Variants in DNAH9 observed in about 807,000 individuals in gnomAD.
The protein encoded by DNAH9 is dynein axonemal heavy chain 9, also known as DNAH9 variant protein.
In DNAH9, 345 loss-of-function variants were observed where a neutral mutation model predicts 471.6. The observed-to-expected ratio is 0.73, with a 90% confidence interval of 0.67 to 0.80. The LOEUF is 0.80. Among genes scored for constraint, DNAH9 ranks in the 30% least tolerant of loss-of-function variants. The pLI, the probability that DNAH9 is intolerant of heterozygous loss-of-function variation, is 0.00. For synonymous variants in DNAH9, 2,093 were observed against 2,123.6 expected (o/e 0.99, Z 0.40); for missense variants, 5,407 against 5,609.2 (o/e 0.96, Z 1.15).
rs1318406769 is a variant in DNAH9, at chr17:11,793,490, G to T, written c.8062-13G>T. 8 of 1,598,154 alleles carry T rather than the reference G, an allele frequency of 5.0e-6. No individual in the cohort carries two copies. In the Admixed American group the frequency reaches 1.1e-4, roughly 22 times the overall value. On this transcript the variant is annotated splice_polypyrimidine_tract_variant and intron_variant, in intron 41 of 68. Coordinates refer to ENST00000262442, the MANE Select transcript of DNAH9 (RefSeq NM_001372.4). Reference sequence around the variant, plus strand: ...TTATTAACGTTATTTTTTTGTGTCTGTTCCCCTTGAAGGGCATTCTCTTCT... The same window carrying T: ...TTATTAACGTTATTTTTTTGTGTCTTTTCCCCTTGAAGGGCATTCTCTTCT...
chr17:11,761,678 C>G (rs1004200506), intron 35 of DNAH9, among the ~76,000 whole-genome samples: 6 of 152,110 alleles, frequency 3.9e-5, no homozygotes, highest in African/African-American at 1.2e-4. Flanking sequence ...CCACTCTCCA[C>G]TGGGAGATCA....
At chr17:11,625,755 A>T (rs2072958040) in intron 6 of DNAH9, among the ~76,000 whole-genome samples, 1 of 152,176 alleles carries the variant, frequency 6.6e-6, no homozygotes, top group Non-Finnish European at 1.5e-5. Context: ...ATAAGAATAG[A>T]ACCTGATCAG....
rs2075183274 is a variant in DNAH9, at chr17:11,727,874, T to C, written c.5766T>C (p.Asp1922=). Residue 1922 remains aspartate (D), a synonymous_variant, in exon 28 of 69, where the codon GAT becomes GAC. Transcript: ENST00000262442. ...LAQTGAWGCF[D]EFNRISVEVL... ...AGACTGGTGCCTGGGGCTGCTTTGATGAGTTTAATCGAATCTCCGTGGAGG... is the reference window on the plus strand; with the variant it reads ...AGACTGGTGCCTGGGGCTGCTTTGACGAGTTTAATCGAATCTCCGTGGAGG... 1 of 1,613,078 alleles carries C rather than the reference T, an allele frequency of 6.2e-7. No homozygotes were observed. The highest frequency in any genetic ancestry group is 1.3e-5 in the African/African-American group (1 of 74,918).
At chr17:11,733,434 A>T (rs1223034635) in intron 28 of DNAH9, among the ~76,000 whole-genome samples, 1 of 152,218 alleles carries the variant, frequency 6.6e-6, no homozygotes, top group African/African-American at 2.4e-5. Flanking sequence ...AGCAGCTTCC[A>T]GTCATGAGGG....
At chr17:11,635,992 GTTTAT>G (rs5819330) in intron 8 of DNAH9, among the ~76,000 whole-genome samples, 1 of 151,028 alleles carries the variant, frequency 6.6e-6, no homozygotes, top group South Asian at 2.1e-4. Flanking sequence ...TTTTTTGTTT[GTTTAT>G]TTGTTTGTTT....
At chr17:11,829,270 C>T (rs1014581928) in intron 48 of DNAH9, among the ~76,000 whole-genome samples, 4 of 152,108 alleles carry the variant, frequency 2.6e-5, no homozygotes, top group Non-Finnish European at 4.4e-5. Flanking sequence ...TATTGGTATC[C>T]TACCGCTTGA....
rs1360051936 is a variant in DNAH9 at position 11,623,749 on chromosome 17, A to G, written c.1350+3968A>G. On this transcript the variant is annotated intron_variant, in intron 6 of 68. Coordinates refer to ENST00000262442, the MANE Select transcript of DNAH9 (RefSeq NM_001372.4). The surrounding 1 kb of genome is among the most constrained non-coding windows in gnomAD (Gnocchi z 4.1). ...TCTAATACAATCTATGGCCACTGAG[A>G]TGATGGTAGCTGCAATTAATAAATA... 6.6e-6 allele frequency among the ~76,000 whole-genome samples: 1 copy of G among 152,190 alleles called. No homozygotes were observed. Among genetic ancestry groups the G allele is most frequent in the African/African-American group, 2.4e-5 (1 of 41,424 alleles).
At position 11,611,896 on chromosome 17, in the gene DNAH9, G is replaced by C. The variant is rs113481522; in HGVS notation, c.904+116G>C. 21 of 973,498 alleles carry C rather than the reference G, an allele frequency of 2.2e-5. No homozygotes were observed. In the Admixed American group the frequency reaches 3.4e-4, roughly 16 times the overall value. 60.3% of individuals were successfully genotyped at this position (973,498 alleles called of 1,614,324 possible). On this transcript the variant is annotated intron_variant, in intron 4 of 68. Coordinates refer to ENST00000262442, the MANE Select transcript of DNAH9 (RefSeq NM_001372.4). Reference sequence around the variant, plus strand: ...TCAAGTCCTTGTAAATTTCCGACCCGACACAAACTAGCATGGTGGCAAGAA... The same window carrying C: ...TCAAGTCCTTGTAAATTTCCGACCCCACACAAACTAGCATGGTGGCAAGAA...
intron 12 of DNAH9, among the ~76,000 whole-genome samples, chr17:11,650,556 A>G (rs11870030): frequency 0.34 from 51,530 of 152,142 alleles, 8,966 homozygotes; most frequent in Middle Eastern, 0.42. Flanking sequence ...CCAAATGATT[A>G]CATTGAATAA....
intron 37 of DNAH9, 33 bp downstream of exon 37, chr17:11,768,659 G>C (rs1176688584): frequency 1.2e-6 from 2 of 1,602,552 alleles, no homozygotes; most frequent in Admixed American, 1.7e-5. Context: ...GGACGTGCGT[G>C]CAGTTGCCCT....
intron 42 of DNAH9, among the ~76,000 whole-genome samples, chr17:11,797,115 A>G (rs563388913): frequency 3.3e-5 from 5 of 152,286 alleles, no homozygotes; most frequent in African/African-American, 9.6e-5. Flanking sequence ...GACTGAACCT[A>G]TGAATTCAGG....
intron 61 of DNAH9, among the ~76,000 whole-genome samples, chr17:11,911,395 A>G (rs1973790204): frequency 6.6e-6 from 1 of 152,226 alleles, no homozygotes; most frequent in Non-Finnish European, 1.5e-5. Flanking sequence ...CTATGTATCT[A>G]TCTGTATGCC....
intron 59 of DNAH9, among the ~76,000 whole-genome samples, chr17:11,895,660 T>A (rs1973195866): frequency 6.6e-6 from 1 of 152,210 alleles, no homozygotes; most frequent in Admixed American, 6.5e-5. Context: ...ACTTCTCATG[T>A]TGGCCTTCTA....
chr17:11,721,233 G>A (rs140320381), intron 27 of DNAH9, among the ~76,000 whole-genome samples: 46 of 152,190 alleles, frequency 3.0e-4, no homozygotes, highest in African/African-American at 1.0e-3. Flanking sequence ...AAAAGTACAG[G>A]GTGAACGGGG....
At chr17:11,855,349 T>C (rs1971589964) in intron 50 of DNAH9, among the ~76,000 whole-genome samples, 1 of 152,214 alleles carries the variant, frequency 6.6e-6, no homozygotes, top group Admixed American at 6.5e-5. Context: ...GTTTATGAGT[T>C]ACAACAATTT....
chr17:11,767,896 CT>C (rs575215320), intron 36 of DNAH9, among the ~76,000 whole-genome samples: 59 of 152,278 alleles, frequency 3.9e-4, no homozygotes, highest in African/African-American at 1.3e-3. Flanking sequence ...TTGCAAGAAC[CT>C]TGGAAATCTT....
At position 11,962,040 on chromosome 17, in the gene DNAH9, A is replaced by G; in HGVS notation, c.13017A>G (p.Thr4339=). 6.2e-7 allele frequency: 1 copy of G among 1,614,100 alleles called. No individual in the cohort carries two copies. The highest frequency in any genetic ancestry group is 1.6e-4 in the Middle Eastern group (1 of 6,062). Residue 4339 remains threonine, a synonymous_variant, in exon 68 of 69, where the codon ACA becomes ACG. Coordinates refer to ENST00000262442, the MANE Select transcript of DNAH9 (RefSeq NM_001372.4). The surrounding 1 kb of genome is among the most constrained non-coding windows in gnomAD (Gnocchi z 4.1). ...KELEAWTGDF[T]MPSTVWLTGF... ...TAGAGGCTTGGACGGGTGACTTTAC[A>G]ATGCCCTCCACTGTGTGGCTGACAG...
intron 15 of DNAH9, among the ~76,000 whole-genome samples, chr17:11,668,430 G>C (rs2073912448): frequency 6.6e-6 from 1 of 152,128 alleles, no homozygotes; most frequent in Admixed American, 6.5e-5. Flanking sequence ...ACTTTGGGAG[G>C]CCAAGGCGGG....
chr17:11,740,778 A>G (rs2075421052), intron 29 of DNAH9, among the ~76,000 whole-genome samples: 1 of 152,198 alleles, frequency 6.6e-6, no homozygotes, highest in Admixed American at 6.5e-5. Context: ...AGGGTTAGCT[A>G]GTGAACCAAC....
Sources: allele counts gnomAD v4.1 joint callset (sites outside exome capture counted in the v4.1 genomes callset), GRCh38; gene constraint gnomAD v4.1.1; non-coding constraint Gnocchi (gnomAD v3.1); transcripts MANE v1.5; gene names NCBI Gene and HGNC (gene_info 2026-07-23, HGNC 2026-07-21).